The following GTF2B variants were observed in gnomAD, a reference collection of about 807,000 sequenced individuals.
GTF2B encodes transcription initiation factor IIB.
Under a neutral mutation model 34.6 loss-of-function variants are expected in GTF2B, and 20 were observed. The observed-to-expected ratio is 0.58, with a 90% CI of 0.41 to 0.84. GTF2B has a LOEUF of 0.84. GTF2B is among the 40% of genes least tolerant of loss of function. GTF2B has a pLI of 0.00. For missense variants in GTF2B, 237 were observed against 393.3 expected, an observed-to-expected ratio of 0.60 and a Z score of 3.36; for synonymous variants, 142 against 132.4, an observed-to-expected ratio of 1.07 and a Z score of -0.50.
chr1:88,857,615 A>G (rs1673342407), intron 5 of GTF2B, 128 bp from the exon 6 acceptor site: 4 of 590,306 alleles, frequency 6.8e-6, no homozygotes, highest in Non-Finnish European at 1.2e-5. Context: ...CTTAAAGATG[A>G]AACCCTAATC....
chr1:88,874,713 GA>G (rs1187097505), intron 2 of GTF2B, among the ~76,000 whole-genome samples: 1 of 151,774 alleles, frequency 6.6e-6, no homozygotes, highest in Middle Eastern at 3.2e-3. Flanking sequence ...TGTCTTCCTG[GA>G]AACTAATCTT....
chr1:88,863,192 C>A (rs1350824506), intron 3 of GTF2B, among the ~76,000 whole-genome samples: 1 of 152,138 alleles, frequency 6.6e-6, no homozygotes, highest in Admixed American at 6.5e-5. Flanking sequence ...CATACATTCT[C>A]ATGAAACCCT....
chr1:88,854,230 A>G (rs755627050), intron 6 of GTF2B, among the ~76,000 whole-genome samples: 2 of 152,220 alleles, frequency 1.3e-5, no homozygotes, highest in Non-Finnish European at 2.9e-5. Context: ...TACTATAAAT[A>G]TTGTTCTACA....
intron 5 of GTF2B, chr1:88,858,936 C>T (rs11811561): frequency 0.087 from 13,086 of 149,874 alleles, 1,317 homozygotes; most frequent in African/African-American, 0.25. Flanking sequence ...GGCGTGATCT[C>T]GGCTCACTGC....
chr1:88,864,069 T>C lies in GTF2B; in HGVS notation c.170A>G (p.Asn57Ser). The change falls in exon 3 of 7, where the codon AAT becomes AGT. Residue 57 changes from asparagine (N) to serine (S), a missense_variant. Around this residue, in one of 3 missense-constraint regions of GTF2B, gnomAD observed 130 missense variants for 170.9 expected, o/e 0.76. Coordinates refer to ENST00000370500, the MANE Select transcript of GTF2B (RefSeq NM_001514.6). ...DVGSEWRTFS[N>S]DKATKDPSRV... ...AGATGGATCTTTTGTTGCTTTGTCA[T>C]TGCTGAAAGTTCGCCATTCAGATCC... 4 of 1,613,612 alleles carry C rather than the reference T, an allele frequency of 2.5e-6. No individual in the cohort carries two copies. Among genetic ancestry groups the C allele is most frequent in the Admixed American group, 1.7e-5 (1 of 60,024 alleles).
chr1:88,885,823 AT>A (rs764093400), intron 2 of GTF2B, among the ~76,000 whole-genome samples: 4 of 152,104 alleles, frequency 2.6e-5, no homozygotes, highest in African/African-American at 9.7e-5. Context: ...ATTATTTTTG[AT>A]TTTTTTTAAC....
At chr1:88,877,848 T>C (rs1422284670) in intron 2 of GTF2B, among the ~76,000 whole-genome samples, 1 of 152,194 alleles carries the variant, frequency 6.6e-6, no homozygotes, top group Non-Finnish European at 1.5e-5. Flanking sequence ...GGAGAATCAC[T>C]GGAACCCGGG....
chr1:88,863,046 C>A (rs759694644), intron 3 of GTF2B, among the ~76,000 whole-genome samples: 2 of 151,804 alleles, frequency 1.3e-5, no homozygotes, highest in African/African-American at 4.8e-5. Flanking sequence ...TCAGTAATAC[C>A]GTCACTATTA....
intron 3 of GTF2B, among the ~76,000 whole-genome samples, chr1:88,863,344 A>G (rs1673485938): frequency 6.6e-6 from 1 of 151,856 alleles, no homozygotes; most frequent in Non-Finnish European, 1.5e-5. Flanking sequence ...AAGAGAAGAC[A>G]TTCTTTTCTT....
chr1:88,869,126 A>G, intron 2 of GTF2B, among the ~76,000 whole-genome samples: 1 of 148,974 alleles, frequency 6.7e-6, no homozygotes, highest in South Asian at 2.1e-4. Flanking sequence ...ACATGTACAG[A>G]CATTTTTTTC....
chr1:88,891,240 C>T (rs542712921), intron 1 of GTF2B, among the ~76,000 whole-genome samples: 17 of 152,160 alleles, frequency 1.1e-4, no homozygotes, highest in African/African-American at 3.9e-4. Context: ...CCCACCAGGA[C>T]CCACATAGGG....
intron 1 of GTF2B, 61 bp from the exon 2 acceptor site, chr1:88,887,428 T>C: frequency 1.0e-6 from 1 of 977,848 alleles, no homozygotes; most frequent in Non-Finnish European, 1.6e-6. Context: ...ATTAATCTTC[T>C]GGGATGGGGG....
At chr1:88,881,796 G>A (rs1673946840) in intron 2 of GTF2B, among the ~76,000 whole-genome samples, 1 of 152,116 alleles carries the variant, frequency 6.6e-6, no homozygotes, top group African/African-American at 2.4e-5. Flanking sequence ...CATGGTGTTT[G>A]ATACTAGTAA....
At chr1:88,882,197 G>T (rs1432696670) in intron 2 of GTF2B, among the ~76,000 whole-genome samples, 1 of 150,536 alleles carries the variant, frequency 6.6e-6, no homozygotes, top group Non-Finnish European at 1.5e-5. Flanking sequence ...GTAATCCCAG[G>T]TACTCAGTAG....
At chr1:88,876,900 G>A (rs1258997121) in intron 2 of GTF2B, among the ~76,000 whole-genome samples, 5 of 152,100 alleles carry the variant, frequency 3.3e-5, no homozygotes, top group Admixed American at 6.5e-5. Context: ...CAATTCTAGA[G>A]ACACTGACTT....
chr1:88,877,783 T>C (rs926131912), intron 2 of GTF2B, among the ~76,000 whole-genome samples: 1 of 152,026 alleles, frequency 6.6e-6, no homozygotes. Flanking sequence ...AATACAAAAA[T>C]TAGTTGGGCA....
intron 2 of GTF2B, among the ~76,000 whole-genome samples, chr1:88,883,969 T>TG (rs1346895634): frequency 6.6e-6 from 1 of 152,014 alleles, no homozygotes; most frequent in Non-Finnish European, 1.5e-5. Flanking sequence ...CTCCTATAGC[T>TG]GTTCCATGTA....
At position 88,891,509 on chromosome 1, in the gene GTF2B, G is replaced by T; in HGVS notation, c.-10C>A. On this transcript the variant is annotated 5_prime_UTR_variant, in exon 1 of 7. Transcript: ENST00000370500. ...GGCTGGTAGACGCCATCTTCACGGCGACTGCGGTGCCCGCAACAAGACACA... is the reference window on the plus strand; with the variant it reads ...GGCTGGTAGACGCCATCTTCACGGCTACTGCGGTGCCCGCAACAAGACACA... 6.2e-7 allele frequency: 1 copy of T among 1,601,930 alleles called. No homozygotes were observed. Among genetic ancestry groups the T allele is most frequent in the Non-Finnish European group, 8.5e-7 (1 of 1,173,732 alleles).
Position 88,853,111 on chromosome 1 carries a change from T to C in GTF2B, c.*102A>G. On this transcript the variant is annotated 3_prime_UTR_variant, in exon 7 of 7. Transcript: ENST00000370500. ...ATTCAGCCCTGGAATGCGTACCATGTCTTTTGTTTTTCCTCATGAAAGGCT... is the reference window on the plus strand; with the variant it reads ...ATTCAGCCCTGGAATGCGTACCATGCCTTTTGTTTTTCCTCATGAAAGGCT... The C allele has an allele frequency of 1.0e-6, 1 of 1,001,834 alleles. No homozygotes were observed. 62.1% of individuals were successfully genotyped at this position (1,001,834 alleles called of 1,614,324 possible).
Sources: gnomAD v4.1 joint callset for allele counts (sites outside exome capture counted in the v4.1 genomes callset) on GRCh38, gnomAD v4.1.1 for gene constraint, gnomAD v4.1.1 regional missense constraint, MANE v1.5 for transcripts, NCBI Gene and HGNC (gene_info 2026-07-23, HGNC 2026-07-21) for gene names.